Variants in RYR2 observed in about 807,000 individuals in gnomAD.
The protein encoded by RYR2 is cardiac muscle ryanodine receptor-calcium release channel.
In RYR2, 227 loss-of-function variants were observed where a neutral mutation model predicts 601.1. The observed-to-expected ratio is 0.38, with a 90% CI of 0.34 to 0.42. The LOEUF (loss-of-function observed/expected upper bound fraction) is 0.42. Ranked by LOEUF, RYR2 falls within the 10% of genes least tolerant of loss-of-function variation. The pLI, the probability that RYR2 is intolerant of heterozygous loss-of-function variation, is 1.00. For synonymous variants in RYR2, 2,223 were observed against 2,175.1 expected (o/e 1.02, Z -0.61); for missense variants, 4,646 against 6,156.5 (o/e 0.75, Z 8.21).
rs533791336 is a variant in RYR2 at position 237,432,876 on chromosome 1, G to GT, written c.1006-8430dup. 4.8e-3 allele frequency among the ~76,000 whole-genome samples: 652 copies of GT among 136,350 alleles called. 2 individuals are homozygous for GT. Among genetic ancestry groups the GT allele is most frequent in the East Asian group, 0.012 (58 of 4,720 alleles). 89.5% of individuals were successfully genotyped at this position (136,350 alleles called of 152,430 possible). On this transcript the variant is annotated intron_variant, in intron 12 of 104. Transcript: ENST00000366574. Reference sequence around the variant, plus strand: ...TAGAATGCACAATACTCTTTTTGTTGTTTTTTTTTTTTTACCACTGTATTT... The same window carrying GT: ...TAGAATGCACAATACTCTTTTTGTTGTTTTTTTTTTTTTTACCACTGTATTT...
At chr1:237,407,609 GTT>G (rs35247530) in intron 10 of RYR2, among the ~76,000 whole-genome samples, 15,122 of 118,580 alleles carry the variant, frequency 0.13, 1,604 homozygotes, top group African/African-American at 0.33. Flanking sequence ...AATTGTGGTT[GTT>G]TTTTTTTTTT....
chr1:237,294,326 A>G (rs1028885456), intron 2 of RYR2, among the ~76,000 whole-genome samples: 3 of 151,996 alleles, frequency 2.0e-5, no homozygotes, highest in Non-Finnish European at 2.9e-5. Context: ...AGACACAGCC[A>G]CTCAGTATTT....
At chr1:237,623,124 A>G (rs1679242199) in intron 38 of RYR2, among the ~76,000 whole-genome samples, 1 of 152,256 alleles carries the variant, frequency 6.6e-6, no homozygotes, top group Admixed American at 6.5e-5. Context: ...TTTTAAAAAT[A>G]GCATTTAGAT....
chr1:237,603,606 T>C (rs2148519994), intron 35 of RYR2, among the ~76,000 whole-genome samples: 1 of 152,266 alleles, frequency 6.6e-6, no homozygotes, highest in Non-Finnish European at 1.5e-5. Flanking sequence ...ATGGGCTAAA[T>C]GCTCCAATTA....
intron 3 of RYR2, among the ~76,000 whole-genome samples, chr1:237,340,823 T>C (rs1189420916): frequency 6.6e-6 from 1 of 152,224 alleles, no homozygotes; most frequent in African/African-American, 2.4e-5. Context: ...AGTGATGTAA[T>C]GGTGAATGTG....
intron 29 of RYR2, among the ~76,000 whole-genome samples, chr1:237,584,650 T>TTTTTTGG (rs527409586): frequency 2.5e-4 from 9 of 36,714 alleles, no homozygotes; most frequent in African/African-American, 8.3e-4. Flanking sequence ...TCACCACCTG[T>TTTTTTGG]TTTTTTTTTT....
chr1:237,778,095 T>C (rs748232803), intron 87 of RYR2, among the ~76,000 whole-genome samples: 46 of 152,212 alleles, frequency 3.0e-4, no homozygotes, highest in Non-Finnish European at 5.7e-4. Context: ...CCACTTCCAA[T>C]TGCCTTGGAT....
intron 19 of RYR2, among the ~76,000 whole-genome samples, chr1:237,495,079 G>A (rs1276868957): frequency 2.0e-5 from 3 of 152,138 alleles, no homozygotes; most frequent in Non-Finnish European, 4.4e-5. Flanking sequence ...GTGAGCCACT[G>A]CACCCAGCTA....
intron 1 of RYR2, among the ~76,000 whole-genome samples, chr1:237,164,777 C>G (rs1471275324): frequency 1.3e-5 from 2 of 152,140 alleles, no homozygotes; most frequent in African/African-American, 2.4e-5. Flanking sequence ...CAGGCCAGAC[C>G]TCAAAGTTGA....
chr1:237,280,289 T>C (rs1690724838), intron 2 of RYR2, among the ~76,000 whole-genome samples: 1 of 152,156 alleles, frequency 6.6e-6, no homozygotes, highest in African/African-American at 2.4e-5. Flanking sequence ...TTATGAACCA[T>C]CTTAAACAGC....
At chr1:237,446,983 T>C (rs1295227429) in intron 14 of RYR2, among the ~76,000 whole-genome samples, 2 of 152,224 alleles carry the variant, frequency 1.3e-5, no homozygotes, top group East Asian at 3.8e-4. Context: ...TCATATCTTG[T>C]TCTTCCCACT....
intron 3 of RYR2, among the ~76,000 whole-genome samples, chr1:237,353,576 T>C (rs1699049217): frequency 6.6e-6 from 1 of 151,418 alleles, no homozygotes. Flanking sequence ...GACTTTCATA[T>C]AGTGATATAA....
chr1:237,785,265 A>C (rs1381447507), intron 90 of RYR2, among the ~76,000 whole-genome samples: 1 of 152,216 alleles, frequency 6.6e-6, no homozygotes, highest in Non-Finnish European at 1.5e-5. Flanking sequence ...TGGGAAAAGA[A>C]AGAAAACTTT....
chr1:237,540,193 A>T (rs1669103326), intron 25 of RYR2, among the ~76,000 whole-genome samples: 1 of 152,142 alleles, frequency 6.6e-6, no homozygotes, highest in Admixed American at 6.6e-5. Context: ...AGCAATAAAG[A>T]AATACGCAAC....
Position 237,773,501 on chromosome 1 carries a change from TATC to T in RYR2, c.11647-15_11647-13del, listed in dbSNP as rs781246072. On this transcript the variant is annotated splice_polypyrimidine_tract_variant and intron_variant, in intron 86 of 104. Transcript: ENST00000366574. ...TAGAATGTGACTTGATAATAAATAA[TATC>T]ATCTCTATTTCCCAGGAATCAATTA... 4 of 1,546,530 alleles carry T rather than the reference TATC, an allele frequency of 2.6e-6. No individual in the cohort carries two copies. In the South Asian group the frequency reaches 4.5e-5, roughly 17 times the overall value.
chr1:237,265,213 T>G (rs914421088), intron 1 of RYR2, among the ~76,000 whole-genome samples: 1 of 152,128 alleles, frequency 6.6e-6, no homozygotes, highest in Non-Finnish European at 1.5e-5. Flanking sequence ...GGTTTAATAG[T>G]GCATGCGAAA....
chr1:237,168,880 T>A (rs371370825), intron 1 of RYR2, among the ~76,000 whole-genome samples: 1 of 152,208 alleles, frequency 6.6e-6, no homozygotes, highest in Admixed American at 6.5e-5. Context: ...TATCCGAGTC[T>A]TTCCTCCCCA....
At chr1:237,242,574 C>T (rs1317345232) in intron 1 of RYR2, among the ~76,000 whole-genome samples, 1 of 151,854 alleles carries the variant, frequency 6.6e-6, no homozygotes, top group Non-Finnish European at 1.5e-5. Context: ...AGATTTTTAC[C>T]AACTCAGAAA....
chr1:237,368,417 C>T (rs1298776253), intron 5 of RYR2, among the ~76,000 whole-genome samples: 1 of 151,992 alleles, frequency 6.6e-6, no homozygotes, highest in Non-Finnish European at 1.5e-5. Flanking sequence ...AGCATGAAAG[C>T]AGTATGGCAT....
Sources: allele counts gnomAD v4.1 joint callset (sites outside exome capture counted in the v4.1 genomes callset), GRCh38; gene constraint gnomAD v4.1.1; transcripts MANE v1.5; gene names NCBI Gene and HGNC (gene_info 2026-07-23, HGNC 2026-07-21).